ODR4: variants seen among roughly 807,000 people sequenced by gnomAD.
ODR4 encodes the protein protein odr-4 homolog.
Under a neutral mutation model 60.2 loss-of-function variants are expected in ODR4, and 47 were observed. That is an observed-to-expected ratio of 0.78 (90% CI 0.62 to 1.00). The LOEUF is 1.00. Ranked by LOEUF, ODR4 falls within the 50% of genes least tolerant of loss-of-function variation. The pLI is 0.00. For missense variants in ODR4, 488 were observed against 530.8 expected (o/e 0.92, Z 0.79); for synonymous variants, 178 against 175.5 (o/e 1.01, Z -0.11).
intron 11 of ODR4, among the ~76,000 whole-genome samples, chr1:186,402,234 C>CTTTCTTTCTTTCTTTCTTT (rs1553236960): frequency 2.9e-4 from 3 of 10,526 alleles, no homozygotes; most frequent in African/African-American, 9.0e-4. Context: ...TTCTTTCTTT[C>CTTTCTTTCTTTCTTTCTTT]CTTTCTTTCT....
intron 3 of ODR4, 94 bp downstream of exon 3, chr1:186,383,250 A>G: frequency 7.5e-7 from 1 of 1,332,294 alleles, no homozygotes; most frequent in Non-Finnish European, 1.0e-6. Flanking sequence ...GAAGAGACAT[A>G]GGGAGAAAGT....
intron 4 of ODR4, 29 bp downstream of exon 4, chr1:186,386,112 T>A (rs2102025640): frequency 1.6e-6 from 2 of 1,286,696 alleles, no homozygotes; most frequent in Middle Eastern, 2.2e-4. Context: ...AAATTCTTAA[T>A]GAAATCAGTT....
chr1:186,425,594 A>T (rs1434017562), downstream of ODR4, among the ~76,000 whole-genome samples: 1 of 152,146 alleles, frequency 6.6e-6, no homozygotes, highest in East Asian at 1.9e-4. Context: ...AACTCAGAGG[A>T]TGTTGAGGAA....
chr1:186,386,466 T>C (rs1660254171), intron 4 of ODR4, among the ~76,000 whole-genome samples: 1 of 152,126 alleles, frequency 6.6e-6, no homozygotes, highest in Non-Finnish European at 1.5e-5. Flanking sequence ...AGTAATTCCA[T>C]GTAAATTATG....
the ODR4 span, among the ~76,000 whole-genome samples, chr1:186,432,926 C>T: frequency 6.6e-6 from 1 of 151,858 alleles, no homozygotes; most frequent in Non-Finnish European, 1.5e-5. Context: ...GCTGGGACTA[C>T]AGGCGCATGG....
intron 8 of ODR4, among the ~76,000 whole-genome samples, chr1:186,392,039 C>T (rs1369916710): frequency 6.6e-6 from 1 of 152,148 alleles, no homozygotes; most frequent in African/African-American, 2.4e-5. Flanking sequence ...AAAAAAAACT[C>T]AGCATTACTA....
chr1:186,397,541 C>T (rs371129957), intron 9 of ODR4, among the ~76,000 whole-genome samples: 1 of 152,028 alleles, frequency 6.6e-6, no homozygotes, highest in South Asian at 2.1e-4. Flanking sequence ...GTAATATTTG[C>T]AGAATACATA....
intron 8 of ODR4, 142 bp from the exon 9 acceptor site, chr1:186,393,805 T>C (rs1660560605): frequency 1.7e-6 from 1 of 602,774 alleles, no homozygotes. Flanking sequence ...CATAAAGTAA[T>C]ATCTATATAA....
intron 11 of ODR4, chr1:186,400,764 C>T: frequency 3.3e-6 from 1 of 298,838 alleles, no homozygotes; most frequent in Non-Finnish European, 6.2e-6. Flanking sequence ...ATTTATCCTT[C>T]TCGTAATTCA....
chr1:186,384,860 G>A (rs932443053), intron 3 of ODR4, among the ~76,000 whole-genome samples: 4 of 152,086 alleles, frequency 2.6e-5, no homozygotes, highest in African/African-American at 9.7e-5. Flanking sequence ...AGTGCAAGTA[G>A]ATTAAGGATT....
Position 186,412,563 on chromosome 1 carries a change from G to T in ODR4, c.1187-4981G>T, listed in dbSNP as rs115186958. On this transcript the variant is annotated intron_variant, in intron 12 of 13. Transcript: ENST00000287859. ...ATAAAGAACACATTCCCAAATAATA[G>T]AATAAAAACATACATTTTAATAGAA... Among the ~76,000 whole-genome samples the T allele has an allele frequency of 4.5e-3, 687 of 152,104 alleles. 6 individuals are homozygous for T. Among genetic ancestry groups the T allele is most frequent in the African/African-American group, 0.016 (653 of 41,520 alleles).
chr1:186,391,914 A>G, intron 8 of ODR4, 123 bp downstream of exon 8: 1 of 651,816 alleles, frequency 1.5e-6, no homozygotes, highest in South Asian at 2.0e-5. Context: ...CTGATTTCTG[A>G]TTTAAAGTAA....
chr1:186,411,834 G>A (rs1339599222), intron 12 of ODR4: 3 of 975,534 alleles, frequency 3.1e-6, no homozygotes. Flanking sequence ...TGGATTAACA[G>A]TAGGAAGAGT....
chr1:186,398,738 A>T (rs1228042377), intron 10 of ODR4, among the ~76,000 whole-genome samples: 1 of 152,124 alleles, frequency 6.6e-6, no homozygotes, highest in East Asian at 1.9e-4. Context: ...AATTTTATTC[A>T]TTTATCTGTT....
intron 12 of ODR4, among the ~76,000 whole-genome samples, chr1:186,414,553 T>C (rs1423646138): frequency 6.6e-6 from 1 of 150,420 alleles, no homozygotes; most frequent in African/African-American, 2.5e-5. Context: ...ACAGTCTTGC[T>C]CTGTTGCCCA....
At chr1:186,418,908 T>C in intron 13 of ODR4, 101 bp from the exon 14 acceptor site, 1 of 931,264 alleles carries the variant, frequency 1.1e-6, no homozygotes, top group Non-Finnish European at 1.7e-6. Flanking sequence ...GTGTATTGTT[T>C]TTTAGGCCCA....
chr1:186,395,874 A>G (rs1325165795), intron 9 of ODR4, among the ~76,000 whole-genome samples: 1 of 152,108 alleles, frequency 6.6e-6, no homozygotes, highest in African/African-American at 2.4e-5. Context: ...TCCTTGCTCA[A>G]AATTTCTTAA....
downstream of ODR4, among the ~76,000 whole-genome samples, chr1:186,423,758 A>C (rs1226087586): frequency 6.6e-6 from 1 of 151,950 alleles, no homozygotes; most frequent in Non-Finnish European, 1.5e-5. Context: ...CCCGGCCACC[A>C]CTTCTATTTA....
chr1:186,396,825 A>C (rs556942366), intron 9 of ODR4, among the ~76,000 whole-genome samples: 25 of 152,198 alleles, frequency 1.6e-4, no homozygotes, highest in African/African-American at 5.3e-4. Flanking sequence ...TATGTTAAAA[A>C]TATATAAATT....
Sources: gnomAD v4.1 joint callset for allele counts (sites outside exome capture counted in the v4.1 genomes callset) on GRCh38, gnomAD v4.1.1 for gene constraint, MANE v1.5 for transcripts, NCBI Gene and HGNC (gene_info 2026-07-23, HGNC 2026-07-21) for gene names.